The following NRG1 variants were observed in gnomAD, a reference collection of about 807,000 sequenced individuals.
The protein encoded by NRG1 is neuregulin 1, also known as pro-neuregulin-1, membrane-bound isoform.
A neutral mutation model predicts 63.8 loss-of-function variants in NRG1; 18 were observed. That is an observed-to-expected ratio of 0.28 (90% CI 0.19 to 0.42). NRG1 has a LOEUF of 0.42. Ranked by LOEUF, NRG1 falls within the 10% of genes least tolerant of loss-of-function variation. The probability of loss-of-function intolerance (pLI) is 1.00; values close to 1 mark genes in which losing one functional copy is unlikely to be tolerated. For synonymous variants in NRG1, 302 were observed against 301.3 expected (o/e 1.00, Z -0.02); for missense variants, 762 against 814.7 (o/e 0.94, Z 0.79).
intron 1 of NRG1, among the ~76,000 whole-genome samples, chr8:32,109,729 A>G (rs1481756): frequency 0.55 from 83,106 of 151,906 alleles, 24,097 homozygotes; most frequent in Admixed American, 0.65. Context: ...GTTCCCCTTC[A>G]GTTCCCCTCA....
chr8:32,236,815 C>T (rs139026400), intron 1 of NRG1, among the ~76,000 whole-genome samples: 1 of 152,170 alleles, frequency 6.6e-6, no homozygotes, highest in Non-Finnish European at 1.5e-5. Context: ...CTGTCCCCTT[C>T]AGCTAATGTG....
chr8:31,962,778 A>G (rs1805675376), intron 1 of NRG1, among the ~76,000 whole-genome samples: 1 of 152,152 alleles, frequency 6.6e-6, no homozygotes, highest in Non-Finnish European at 1.5e-5. Flanking sequence ...TCTTATATTC[A>G]AACACTTTGG....
intron 1 of NRG1, among the ~76,000 whole-genome samples, chr8:32,093,882 A>G (rs6984296): frequency 0.91 from 138,200 of 152,162 alleles, 63,398 homozygotes; most frequent in Non-Finnish European, 0.98. Flanking sequence ...ATGTGGATGT[A>G]CCTCTCTTGA....
In NRG1 at chr8:32,742,551, G is replaced by A; in HGVS notation, c.633-124G>A. On this transcript the variant is annotated intron_variant, in intron 6 of 11. Coordinates refer to ENST00000356819, the Ensembl canonical transcript of NRG1. The surrounding 1 kb of genome is among the most constrained non-coding windows in gnomAD (Gnocchi z 4.2). The stretch of plus-strand genomic sequence containing the variant: ...AAGCCATGATCAGGGCAAAGATTCA[G>A]TTCCTGAGGGTGAACTCACCAAGTT... The A allele has an allele frequency of 2.4e-6, 2 of 832,624 alleles. No individual in the cohort carries two copies. Among genetic ancestry groups the A allele is most frequent in the South Asian group, 1.6e-5 (1 of 61,592 alleles). 51.6% of individuals were successfully genotyped at this position (832,624 alleles called of 1,614,324 possible). A position where few individuals can be genotyped will look rare whatever the true frequency, so the allele number is the denominator to read the frequency against.
intron 1 of NRG1, among the ~76,000 whole-genome samples, chr8:31,807,603 A>G (rs10096965): frequency 0.054 from 8,268 of 152,254 alleles, 750 homozygotes; most frequent in African/African-American, 0.19. Flanking sequence ...AAAACTGAAC[A>G]TGCTACTACC....
At chr8:32,658,503 A>G (rs1802054780) in intron 5 of NRG1, among the ~76,000 whole-genome samples, 1 of 152,198 alleles carries the variant, frequency 6.6e-6, no homozygotes, top group South Asian at 2.1e-4. Flanking sequence ...TCTTTTACTA[A>G]ATAACCCAGA....
Position 31,845,914 on chromosome 8 carries a change from G to A in NRG1, c.37+206483G>A, listed in dbSNP as rs138540249. ...CGAGACCTCACTGTATTTTGACAGA[G>A]GTCAAAATAAGGGAAATCAATCTTG... On this transcript the variant is annotated intron_variant, in intron 1 of 10. Transcript: ENST00000519301. Among the ~76,000 whole-genome samples the A allele has an allele frequency of 3.4e-3, 510 of 152,224 alleles. 4 individuals are homozygous for A. Among genetic ancestry groups the A allele is most frequent in the Middle Eastern group, 0.017 (5 of 294 alleles).
chr8:32,490,695 C>T (rs1353400581), intron 1 of NRG1, among the ~76,000 whole-genome samples: 2 of 152,160 alleles, frequency 1.3e-5, no homozygotes, highest in African/African-American at 4.8e-5. Context: ...AATCATTTGT[C>T]TCAAGAAATG....
intron 1 of NRG1, among the ~76,000 whole-genome samples, chr8:32,461,884 C>T (rs367722959): frequency 6.6e-6 from 1 of 152,000 alleles, no homozygotes; most frequent in African/African-American, 2.4e-5. Context: ...TAAATGAAAC[C>T]ACAGTTTACC....
At chr8:32,210,689 G>A (rs934487993) in intron 1 of NRG1, among the ~76,000 whole-genome samples, 2 of 152,168 alleles carry the variant, frequency 1.3e-5, no homozygotes, top group Non-Finnish European at 2.9e-5. Flanking sequence ...CAAGCCTACA[G>A]ACCACCTCAC....
intron 1 of NRG1, among the ~76,000 whole-genome samples, chr8:32,449,808 T>C (rs575603187): frequency 9.8e-5 from 15 of 152,326 alleles, no homozygotes; most frequent in Admixed American, 7.2e-4. Flanking sequence ...ACACCATGCA[T>C]ATATTCAGCT....
At chr8:31,674,028 G>C (rs1807428297) in intron 1 of NRG1, among the ~76,000 whole-genome samples, 1 of 152,112 alleles carries the variant, frequency 6.6e-6, no homozygotes, top group South Asian at 2.1e-4. Context: ...CATTTCATAT[G>C]AATGAGATCA....
chr8:31,925,291 G>A (rs1834268698), intron 1 of NRG1, among the ~76,000 whole-genome samples: 1 of 151,076 alleles, frequency 6.6e-6, no homozygotes, highest in South Asian at 2.1e-4. Flanking sequence ...TAAACATTAA[G>A]AATGTTTGTA....
chr8:32,144,440 A>G (rs1585628577), intron 1 of NRG1, among the ~76,000 whole-genome samples: 1 of 151,990 alleles, frequency 6.6e-6, no homozygotes, highest in South Asian at 2.1e-4. Context: ...TAGTTGTAGC[A>G]CTAGCCAGAA....
chr8:32,330,812 G>A (rs1338450912), intron 1 of NRG1, among the ~76,000 whole-genome samples: 2 of 152,268 alleles, frequency 1.3e-5, no homozygotes, highest in Admixed American at 1.3e-4. Flanking sequence ...TCACAGCGTC[G>A]TTTTCAGTGT....
intron 1 of NRG1, among the ~76,000 whole-genome samples, chr8:32,048,589 A>G (rs941312500): frequency 6.6e-6 from 1 of 151,208 alleles, no homozygotes; most frequent in South Asian, 2.1e-4. Flanking sequence ...CCCACCAGCA[A>G]TGCACAAGAG....
chr8:32,548,781 G>A (rs745817489), exon 1 of NRG1: 1 of 1,589,570 alleles, frequency 6.3e-7, no homozygotes, highest in Admixed American at 1.8e-5. Flanking sequence ...GAAGGAGCGA[G>A]GCTCCGGCAA....
intron 1 of NRG1, among the ~76,000 whole-genome samples, chr8:32,438,296 A>G (rs549399431): frequency 6.6e-5 from 10 of 152,148 alleles, no homozygotes; most frequent in Non-Finnish European, 1.3e-4. Context: ...GTTTTTTCCA[A>G]TCAGCATAAT....
chr8:32,073,705 AT>A (rs1826089965), intron 1 of NRG1, among the ~76,000 whole-genome samples: 1 of 152,210 alleles, frequency 6.6e-6, no homozygotes, highest in Non-Finnish European at 1.5e-5. Flanking sequence ...ACACAGAAGG[AT>A]AAATGTCACA....
Sources: gnomAD v4.1 joint callset for allele counts (sites outside exome capture counted in the v4.1 genomes callset) on GRCh38, gnomAD v4.1.1 for gene constraint, Gnocchi (gnomAD v3.1) non-coding constraint, MANE v1.5 for transcripts, NCBI Gene and HGNC (gene_info 2026-07-23, HGNC 2026-07-21) for gene names.